ACTG2: variants seen among roughly 807,000 people sequenced by gnomAD.
ACTG2 encodes the protein actin gamma 2, smooth muscle.
Under a neutral mutation model 37.6 loss-of-function variants are expected in ACTG2, and 16 were observed. The observed-to-expected ratio is 0.43, with a 90% CI of 0.29 to 0.65. The LOEUF (loss-of-function observed/expected upper bound fraction) is 0.65. Among genes scored for constraint, ACTG2 ranks in the 30% least tolerant of loss-of-function variants. ACTG2 has a pLI of 0.18. For missense variants in ACTG2, 238 were observed against 490.9 expected, an observed-to-expected ratio of 0.48 and a Z score of 4.87; for synonymous variants, 181 against 179.9, an observed-to-expected ratio of 1.01 and a Z score of -0.05.
At chr2:73,894,591 T>C (rs912232661) in intron 1 of ACTG2, among the ~76,000 whole-genome samples, 1 of 152,080 alleles carries the variant, frequency 6.6e-6, no homozygotes, top group African/African-American at 2.4e-5. Context: ...AAGAGACAGA[T>C]AAACAGATGA....
At chr2:73,918,194 T>A (rs2104826615) in intron 8 of ACTG2, among the ~76,000 whole-genome samples, 1 of 152,258 alleles carries the variant, frequency 6.6e-6, no homozygotes, top group Admixed American at 6.5e-5. Flanking sequence ...CTATCCAAAT[T>A]GGACAGCAGG....
intron 7 of ACTG2, among the ~76,000 whole-genome samples, chr2:73,915,257 C>T (rs139695414): frequency 0.012 from 1,803 of 144,576 alleles, 16 homozygotes; most frequent in Middle Eastern, 0.023. Context: ...CGGTGGCTCA[C>T]GCCTGTAATC....
At position 73,908,654 on chromosome 2, in the gene ACTG2, T is replaced by A. The variant is rs1680065015; in HGVS notation, c.256-19T>A. The A allele has an allele frequency of 1.3e-6, 2 of 1,579,770 alleles. No individual in the cohort carries two copies. The highest frequency in any genetic ancestry group is 2.3e-5 in the South Asian group (2 of 88,018). ...CCATTGGGAGTCTGCCAGGCTCATA[T>A]GGCTTTTGTCTCCACTAGATCTGGC... On this transcript the variant is annotated intron_variant, in intron 3 of 8. Coordinates refer to ENST00000345517, the MANE Select transcript of ACTG2 (RefSeq NM_001615.4).
At chr2:73,895,508 G>A (rs80314480) in intron 1 of ACTG2, among the ~76,000 whole-genome samples, 2,598 of 152,274 alleles carry the variant, frequency 0.017, 67 homozygotes, top group African/African-American at 0.058. Flanking sequence ...TATACGTGTA[G>A]GCAAATAATA....
At chr2:73,897,015 C>T (rs831538) in intron 1 of ACTG2, 112,123 of 152,194 alleles carry the variant, frequency 0.74, 41,965 homozygotes, top group Admixed American at 0.82. Context: ...CCCTTCTTCC[C>T]AGAGCAGCAC....
At chr2:73,903,966 A>G (rs971160819) in intron 3 of ACTG2, among the ~76,000 whole-genome samples, 1 of 150,574 alleles carries the variant, frequency 6.6e-6, no homozygotes, top group African/African-American at 2.4e-5. Context: ...AAAACAAAAA[A>G]AAAACCACAT....
chr2:73,896,009 T>C (rs1321178714), intron 1 of ACTG2, among the ~76,000 whole-genome samples: 1 of 152,168 alleles, frequency 6.6e-6, no homozygotes, highest in Admixed American at 6.5e-5. Context: ...GGTCATGAAA[T>C]ATTTTTCTTC....
intron 2 of ACTG2, chr2:73,901,718 A>AG: frequency 2.3e-6 from 1 of 441,470 alleles, no homozygotes; most frequent in Non-Finnish European, 3.8e-6. Context: ...AACATACATC[A>AG]GGCACACAAT....
chr2:73,894,338 C>T (rs1234851708), intron 1 of ACTG2, among the ~76,000 whole-genome samples: 5 of 152,124 alleles, frequency 3.3e-5, no homozygotes, highest in African/African-American at 4.8e-5. Flanking sequence ...AACCCTTGGG[C>T]TGAAAAGAGG....
At chr2:73,901,636 G>C in intron 2 of ACTG2, 199 bp downstream of exon 2, 1 of 945,602 alleles carries the variant, frequency 1.1e-6, no homozygotes, top group Non-Finnish European at 1.4e-6. Context: ...GTGCACGCCA[G>C]GTGTAGGGAG....
In ACTG2 at chr2:73,908,704, G is replaced by A. The variant is rs1363649764; in HGVS notation, c.287G>A (p.Arg96His). The A allele has an allele frequency of 6.2e-7, 1 of 1,612,810 alleles. No individual in the cohort carries two copies. The highest frequency in any genetic ancestry group is 2.2e-5 in the East Asian group (1 of 44,894). Residue 96 changes from arginine (R) to histidine (H), a missense_variant, in exon 4 of 9, where the codon CGT becomes CAT. Transcript: ENST00000345517. ...IWHHSFYNEL[R>H]VAPEEHPTLL... ...CACCACTCCTTCTACAATGAGCTGCGTGTAGCACCTGAAGAGCACCCCACC... is the reference window on the plus strand; with the variant it reads ...CACCACTCCTTCTACAATGAGCTGCATGTAGCACCTGAAGAGCACCCCACC...
intron 3 of ACTG2, among the ~76,000 whole-genome samples, chr2:73,904,775 GTGTATATATA>G (rs1293671005): frequency 2.1e-4 from 4 of 19,110 alleles, no homozygotes; most frequent in African/African-American, 4.5e-4. Flanking sequence ...GTGTGTGTGT[GTGTATATATA>G]TATATATATA....
chr2:73,893,031 G>C lies in ACTG2; in HGVS notation c.-57G>C, dbSNP rs1302991938. 6.6e-6 allele frequency: 1 copy of C among 152,284 alleles called. No homozygotes were observed. Among genetic ancestry groups the C allele is most frequent in the Non-Finnish European group, 1.5e-5 (1 of 68,104 alleles). The allele number at this position is 152,284 out of a possible 1,614,324, so 9.4% of individuals were successfully genotyped here. A position where few individuals can be genotyped will look rare whatever the true frequency, so the allele number is the denominator to read the frequency against. ...ACACACCAGCCCTCAGTCACTGGGA[G>C]AAGAACCTCTCATACCCTCGGTAAG... On this transcript the variant is annotated 5_prime_UTR_variant, in exon 1 of 9. Transcript: ENST00000345517.
At position 73,909,132 on chromosome 2, in the gene ACTG2, C is replaced by A; in HGVS notation, c.444C>A (p.Arg148=). The A allele has an allele frequency of 6.2e-7, 1 of 1,612,866 alleles. No individual in the cohort carries two copies. Residue 148 remains arginine, a synonymous_variant, in exon 5 of 9, where the codon CGC becomes CGA. Transcript: ENST00000345517. ...TGCTCTCCCTCTATGCCTCTGGCCG[C>A]ACGACAGGTGAGTAATCCTGTAATC... is the stretch of plus-strand genomic sequence containing the variant. ...QAVLSLYASG[R]TTGIVLDSGD...
At chr2:73,907,787 C>G (rs542993173) in intron 3 of ACTG2, among the ~76,000 whole-genome samples, 3 of 152,208 alleles carry the variant, frequency 2.0e-5, no homozygotes, top group African/African-American at 7.2e-5. Flanking sequence ...TGGAAAACTG[C>G]TGCTAGCATC....
intron 1 of ACTG2, chr2:73,897,358 G>A (rs936378148): frequency 6.6e-6 from 1 of 152,486 alleles, no homozygotes; most frequent in African/African-American, 2.4e-5. Context: ...ACCCTAGAGG[G>A]AGGCAGTCCC....
At chr2:73,919,318 C>T in intron 8 of ACTG2, 114 bp from the exon 9 acceptor site, 1 of 1,229,022 alleles carries the variant, frequency 8.1e-7, no homozygotes, top group Non-Finnish European at 1.1e-6. Context: ...CACAATGTTT[C>T]TCCTGTTCTT....
chr2:73,901,956 A>G (rs1405999993), intron 2 of ACTG2, among the ~76,000 whole-genome samples: 3 of 151,938 alleles, frequency 2.0e-5, no homozygotes, highest in Non-Finnish European at 4.4e-5. Flanking sequence ...GCAGGTGGAG[A>G]GAATAGCAAA....
In ACTG2 at chr2:73,917,188, AAAAT is replaced by A. The variant is rs3835742; in HGVS notation, c.987+441_987+444del. 2.0e-5 allele frequency among the ~76,000 whole-genome samples: 3 copies of A among 150,624 alleles called. No homozygotes were observed. In the East Asian group the frequency reaches 5.9e-4, roughly 29 times the overall value. On this transcript the variant is annotated intron_variant, in intron 8 of 8. Transcript: ENST00000345517. Reference sequence around the variant, plus strand: ...TAAATTCAGATAGATCCTGTCTCTAAAAATAAATAAATAAATAAATAGAATATTG... The same window carrying A: ...TAAATTCAGATAGATCCTGTCTCTAAAAATAAATAAATAAATAGAATATTG...
Sources: gnomAD v4.1 joint callset for allele counts (sites outside exome capture counted in the v4.1 genomes callset) on GRCh38, gnomAD v4.1.1 for gene constraint, MANE v1.5 for transcripts, NCBI Gene and HGNC (gene_info 2026-07-23, HGNC 2026-07-21) for gene names.